Variants in KMT2C observed in about 807,000 individuals in gnomAD.
KMT2C encodes lysine methyltransferase 2C.
A neutral mutation model predicts 507.9 loss-of-function variants in KMT2C; 88 were observed. The ratio of observed to expected loss-of-function variants is 0.17; its 90% confidence interval spans 0.15 to 0.21. The LOEUF (loss-of-function observed/expected upper bound fraction) is 0.21, where lower values mean the gene tolerates loss of function less well. Among genes scored for constraint, KMT2C ranks in the 10% least tolerant of loss-of-function variants. The pLI, the probability that KMT2C is intolerant of heterozygous loss-of-function variation, is 1.00. For synonymous variants in KMT2C, 2,049 were observed against 2,080.8 expected (o/e 0.98, Z 0.42); for missense variants, 4,954 against 5,957.8 (o/e 0.83, Z 5.55).
chr7:152,176,871 T>A lies in KMT2C; in HGVS notation c.8582A>T (p.Asp2861Val), dbSNP rs1318279488. Residue 2861 changes from aspartate to valine, a missense_variant, in exon 38 of 59, where the codon GAC (aspartate) becomes GTC (valine). Asp to Val is a radical substitution (Grantham distance 152). This residue lies in a region of KMT2C where 1,689 missense variants were observed against 1,654.3 expected (regional missense o/e 1.02). Transcript: ENST00000262189. ...AGAAGTCTTTTCTCCATCATTTAGG[T>A]CTGAGTGAGCAGAAGCCTGTGAGCA... ...TPCSQASAHS[D>V]LNDGEKTSLH... 5.0e-6 allele frequency: 8 copies of A among 1,614,208 alleles called. No individual in the cohort carries two copies. The highest frequency in any genetic ancestry group is 8.5e-7 in the Non-Finnish European group (1 of 1,180,022).
At chr7:152,300,255 G>C (rs1390102059) in intron 6 of KMT2C, among the ~76,000 whole-genome samples, 1 of 152,250 alleles carries the variant, frequency 6.6e-6, no homozygotes, top group African/African-American at 2.4e-5. Context: ...AGGAGGGTCT[G>C]TCTGTTTGCA....
In KMT2C at chr7:152,139,211, C is replaced by T. The variant is rs771641625; in HGVS notation, c.14509G>A (p.Ala4837Thr). ...FRMDNDHVIDATLTGGPARYI... is the reference protein window; with the variant it reads ...FRMDNDHVIDTTLTGGPARYI... ...CTTGCGGGCCCTCCTGTGAGCGTCGCGTCAATCACATGGTCGTTATCCATG... is the reference window on the plus strand; with the variant it reads ...CTTGCGGGCCCTCCTGTGAGCGTCGTGTCAATCACATGGTCGTTATCCATG... Residue 4837 changes from alanine (A) to threonine (T), a missense_variant, in exon 57 of 59, where the codon GCG becomes ACG. This residue lies in a region of KMT2C where 133 missense variants were observed against 258.9 expected (regional missense o/e 0.51). Transcript: ENST00000262189. 1 of 1,614,006 alleles carries T rather than the reference C, an allele frequency of 6.2e-7. No individual in the cohort carries two copies. Among genetic ancestry groups the T allele is most frequent in the Non-Finnish European group, 8.5e-7 (1 of 1,180,018 alleles).
chr7:152,400,848 T>C (rs1457353325), intron 1 of KMT2C, among the ~76,000 whole-genome samples: 2 of 123,394 alleles, frequency 1.6e-5, no homozygotes, highest in Non-Finnish European at 1.6e-5. Flanking sequence ...TAAATACTTC[T>C]AGCCCAAACT....
At chr7:152,175,645 G>A (rs1435974859) in intron 38 of KMT2C, among the ~76,000 whole-genome samples, 1 of 152,058 alleles carries the variant, frequency 6.6e-6, no homozygotes, top group Non-Finnish European at 1.5e-5. Context: ...TGCCCAGGTT[G>A]GTCTGGAACT....
intron 2 of KMT2C, among the ~76,000 whole-genome samples, chr7:152,332,085 T>G (rs554443038): frequency 2.3e-4 from 35 of 152,316 alleles, no homozygotes; most frequent in African/African-American, 8.4e-4. Context: ...TATTACCCAT[T>G]CTAAAAGCTT....
chr7:152,295,753 T>C (rs904650378), intron 6 of KMT2C, among the ~76,000 whole-genome samples: 5 of 152,108 alleles, frequency 3.3e-5, no homozygotes, highest in Non-Finnish European at 7.4e-5. Context: ...CTCAACTTCT[T>C]TATCAGTTAT....
rs1279805957 is a variant in KMT2C at position 152,199,376 on chromosome 7, C to A, written c.4176G>T (p.Gln1392His). The A allele has an allele frequency of 6.2e-7, 1 of 1,604,662 alleles. No homozygotes were observed. The highest frequency in any genetic ancestry group is 1.1e-5 in the South Asian group (1 of 88,734). The change falls in exon 27 of 59, where the codon CAG (glutamine) becomes CAT (histidine). Residue 1392 changes from glutamine (Q) to histidine (H), a missense_variant. By Grantham distance (24) the Gln-to-His change is conservative. Around this residue, in one of 29 missense-constraint regions of KMT2C, gnomAD observed 140 missense variants for 118.4 expected, o/e 1.18. Coordinates refer to ENST00000262189, the MANE Select transcript of KMT2C (RefSeq NM_170606.3). Reference protein sequence around the residue: ...SLDNLSEDGAQLLYKTNMNTG... With the variant: ...SLDNLSEDGAHLLYKTNMNTG... Reference sequence around the variant, plus strand: ...TGTTCATGTTTGTTTTATATAAAAGCTGAGCTCCATCTTCTGACAGATTAT... The same window carrying A: ...TGTTCATGTTTGTTTTATATAAAAGATGAGCTCCATCTTCTGACAGATTAT...
At chr7:152,275,778 T>C (rs542396277) in intron 6 of KMT2C, among the ~76,000 whole-genome samples, 44 of 152,274 alleles carry the variant, frequency 2.9e-4, no homozygotes, top group Non-Finnish European at 5.0e-4. Context: ...AAAAGTACAA[T>C]CAATCTGTTG....
At chr7:152,295,804 C>T (rs1457948401) in intron 6 of KMT2C, among the ~76,000 whole-genome samples, 1 of 152,138 alleles carries the variant, frequency 6.6e-6, no homozygotes, top group African/African-American at 2.4e-5. Context: ...CAGTGGCTCA[C>T]GCCTGTAATC....
At chr7:152,211,105 T>C (rs1240962343) in intron 23 of KMT2C, among the ~76,000 whole-genome samples, 2 of 152,234 alleles carry the variant, frequency 1.3e-5, no homozygotes, top group East Asian at 1.9e-4. Context: ...CATGAAATTT[T>C]AGAACACTGA....
chr7:152,240,219 A>G (rs1468272431), intron 14 of KMT2C, among the ~76,000 whole-genome samples: 1 of 152,204 alleles, frequency 6.6e-6, no homozygotes, highest in Non-Finnish European at 1.5e-5. Context: ...ATAATTTCCA[A>G]TCAACTTGAA....
At chr7:152,229,524 G>C (rs1325686745) in intron 18 of KMT2C, among the ~76,000 whole-genome samples, 1 of 152,146 alleles carries the variant, frequency 6.6e-6, no homozygotes, top group Admixed American at 6.5e-5. Flanking sequence ...ATGTCATTTT[G>C]TATACGAGTG....
chr7:152,340,148 A>ATTTT (rs71885303), intron 2 of KMT2C, among the ~76,000 whole-genome samples: 11 of 127,652 alleles, frequency 8.6e-5, no homozygotes, highest in African/African-American at 1.2e-4. Flanking sequence ...TCACGCCTGG[A>ATTTT]TTTTTTTTTT....
intron 7 of KMT2C, among the ~76,000 whole-genome samples, chr7:152,267,063 C>A (rs1156875754): frequency 6.6e-6 from 1 of 152,178 alleles, no homozygotes; most frequent in East Asian, 1.9e-4. Flanking sequence ...TTAGTTTTCC[C>A]TTACTTTCAT....
rs1284021777 is a variant in KMT2C, at chr7:152,290,266, A to ATGTG, written c.850-16400_850-16399insCACA. 3.4e-3 allele frequency among the ~76,000 whole-genome samples: 62 copies of ATGTG among 18,414 alleles called. 2 individuals carry two copies. Among genetic ancestry groups the ATGTG allele is most frequent in the African/African-American group, 0.011 (54 of 4,786 alleles). 12.1% of individuals were successfully genotyped at this position (18,414 alleles called of 152,430 possible). On this transcript the variant is annotated intron_variant, in intron 6 of 58. Transcript: ENST00000262189. ...TGTGTGTGTGTGTATGTGTATATATATATATATATATATATATATATATAT... is the reference window on the plus strand; with the variant it reads ...TGTGTGTGTGTGTATGTGTATATATATGTGTATATATATATATATATATATATAT...
At chr7:152,341,766 A>C (rs1334681054) in intron 2 of KMT2C, among the ~76,000 whole-genome samples, 1 of 152,246 alleles carries the variant, frequency 6.6e-6, no homozygotes. Flanking sequence ...AAAGATAAGA[A>C]AGGACAGGTA....
At chr7:152,353,021 A>T (rs2097125711) in intron 2 of KMT2C, among the ~76,000 whole-genome samples, 1 of 152,204 alleles carries the variant, frequency 6.6e-6, no homozygotes, top group Non-Finnish European at 1.5e-5. Context: ...GTGATTCTCA[A>T]GAAAAAAAAA....
chr7:152,392,837 GTAAAA>G (rs1204099057), intron 1 of KMT2C, among the ~76,000 whole-genome samples: 2 of 147,300 alleles, frequency 1.4e-5, no homozygotes, highest in Non-Finnish European at 3.0e-5. Flanking sequence ...TACAATATAA[GTAAAA>G]TAAAATGAGA....
At chr7:152,365,775 G>A (rs2097237790) in intron 1 of KMT2C, among the ~76,000 whole-genome samples, 1 of 152,074 alleles carries the variant, frequency 6.6e-6, no homozygotes, top group Non-Finnish European at 1.5e-5. Context: ...TTCTCTTTAT[G>A]TCATTTTATT....
Sources: allele counts gnomAD v4.1 joint callset (sites outside exome capture counted in the v4.1 genomes callset), GRCh38; gene constraint gnomAD v4.1.1; regional missense constraint gnomAD v4.1.1; transcripts MANE v1.5; gene names NCBI Gene and HGNC (gene_info 2026-07-23, HGNC 2026-07-21).